The following PKP4 variants were observed in gnomAD, a reference collection of about 807,000 sequenced individuals.
The protein encoded by PKP4 is plakophilin-4.
Under a neutral mutation model 145.1 loss-of-function variants are expected in PKP4, and 90 were observed. The observed-to-expected ratio is 0.62, with a 90% confidence interval of 0.52 to 0.74. The LOEUF (loss-of-function observed/expected upper bound fraction) is 0.74, where lower values mean the gene tolerates loss of function less well. Among genes scored for constraint, PKP4 ranks in the 30% least tolerant of loss-of-function variants. The pLI, the probability that PKP4 is intolerant of heterozygous loss-of-function variation, is 0.00. For synonymous variants in PKP4, 563 were observed against 577.2 expected (o/e 0.98, Z 0.35); for missense variants, 1,340 against 1,482.7 (o/e 0.90, Z 1.58).
intron 16 of PKP4, among the ~76,000 whole-genome samples, chr2:158,668,761 G>A (rs928403913): frequency 3.3e-5 from 5 of 152,152 alleles, no homozygotes; most frequent in East Asian, 1.9e-4. Flanking sequence ...TCCCTCTGAC[G>A]TGCTGTACAT....
rs142391035 is a variant in PKP4 at position 158,471,922 on chromosome 2, G to A, written c.-6+14704G>A. The stretch of plus-strand genomic sequence containing the variant: ...CCAAAATTTAAATATAGCTTATCAA[G>A]TGGTTTCTGAAAGGTATAGAGTAAA... On this transcript the variant is annotated intron_variant, in intron 1 of 21. Coordinates refer to ENST00000389759, the MANE Select transcript of PKP4 (RefSeq NM_003628.6). 6.9e-4 allele frequency among the ~76,000 whole-genome samples: 105 copies of A among 152,256 alleles called. No individual in the cohort carries two copies. The East Asian group carries it at 0.019, about 28-fold the overall frequency.
At chr2:158,488,772 G>A (rs186780633) in intron 1 of PKP4, among the ~76,000 whole-genome samples, 2 of 152,266 alleles carry the variant, frequency 1.3e-5, no homozygotes, top group Non-Finnish European at 2.9e-5. Flanking sequence ...CAATATCTCA[G>A]TGTTACCAAG....
At chr2:158,506,140 G>T (rs2040954914) in intron 1 of PKP4, among the ~76,000 whole-genome samples, 1 of 152,140 alleles carries the variant, frequency 6.6e-6, no homozygotes, top group South Asian at 2.1e-4. Context: ...CTTGAACATG[G>T]CAATTGAAAG....
chr2:158,475,767 G>A (rs868793996), intron 1 of PKP4, among the ~76,000 whole-genome samples: 5 of 152,144 alleles, frequency 3.3e-5, no homozygotes, highest in South Asian at 2.1e-4. Context: ...CTGACTCAGT[G>A]CACCCCTTAT....
intron 8 of PKP4, among the ~76,000 whole-genome samples, chr2:158,633,535 T>C (rs763785148): frequency 6.6e-6 from 1 of 152,236 alleles, no homozygotes. Context: ...TTAAAACTTA[T>C]GAATTACTTG....
intron 4 of PKP4, among the ~76,000 whole-genome samples, chr2:158,618,163 G>A (rs193112601): frequency 1.9e-3 from 292 of 152,236 alleles, no homozygotes; most frequent in Admixed American, 4.2e-3. Flanking sequence ...AGCCTGTAGA[G>A]ACTCCGTCTC....
intron 13 of PKP4, 54 bp from the exon 14 acceptor site, chr2:158,662,843 G>A: frequency 6.9e-7 from 1 of 1,441,218 alleles, no homozygotes; most frequent in Non-Finnish European, 9.5e-7. Context: ...GTACAGAAGT[G>A]TTTTGCTCTA....
intron 1 of PKP4, among the ~76,000 whole-genome samples, chr2:158,475,685 C>A (rs1692354275): frequency 1.3e-5 from 2 of 152,170 alleles, no homozygotes; most frequent in African/African-American, 4.8e-5. Flanking sequence ...GTTGGGATAT[C>A]TTTGAGGTGT....
chr2:158,653,530 TC>T (rs2055605131), intron 11 of PKP4, among the ~76,000 whole-genome samples: 1 of 152,236 alleles, frequency 6.6e-6, no homozygotes, highest in Non-Finnish European at 1.5e-5. Context: ...ATGTACTTGT[TC>T]CTGTGACAGG....
At chr2:158,580,208 C>G (rs2048217955) in intron 3 of PKP4, among the ~76,000 whole-genome samples, 1 of 152,084 alleles carries the variant, frequency 6.6e-6, no homozygotes, top group Non-Finnish European at 1.5e-5. Flanking sequence ...TTGGCTGGTT[C>G]CATATGTTTT....
intron 4 of PKP4, among the ~76,000 whole-genome samples, chr2:158,619,628 A>G (rs2052001543): frequency 6.6e-6 from 1 of 152,212 alleles, no homozygotes; most frequent in African/African-American, 2.4e-5. Context: ...ACAGTAAGGT[A>G]AAGCCACAAT....
intron 19 of PKP4, among the ~76,000 whole-genome samples, chr2:158,675,569 C>G (rs2057936430): frequency 6.6e-6 from 1 of 152,168 alleles, no homozygotes; most frequent in Admixed American, 6.5e-5. Flanking sequence ...AGGGAATACT[C>G]CACTTCTGCT....
At chr2:158,661,179 C>T (rs572641055) in intron 12 of PKP4, 154 bp from the exon 13 acceptor site, 1 of 569,190 alleles carries the variant, frequency 1.8e-6, no homozygotes, top group South Asian at 2.0e-5. Context: ...TCATTGTGAG[C>T]TTCAGGATGT....
intron 3 of PKP4, among the ~76,000 whole-genome samples, chr2:158,586,409 G>C (rs2048808002): frequency 6.6e-6 from 1 of 152,062 alleles, no homozygotes; most frequent in Non-Finnish European, 1.5e-5. Flanking sequence ...TTATTGGTGG[G>C]TTAGTTGTCT....
chr2:158,491,554 A>G (rs1402504628), intron 1 of PKP4, among the ~76,000 whole-genome samples: 1 of 151,812 alleles, frequency 6.6e-6, no homozygotes, highest in African/African-American at 2.4e-5. Flanking sequence ...TGGGGGTTCT[A>G]ATCTTATGTT....
intron 1 of PKP4, among the ~76,000 whole-genome samples, chr2:158,482,886 C>T (rs543016564): frequency 3.5e-4 from 53 of 151,574 alleles, no homozygotes; most frequent in African/African-American, 1.3e-3. Flanking sequence ...CAGGTCATTG[C>T]ACAGAATGGA....
chr2:158,645,531 A>G (rs974370884), intron 11 of PKP4, among the ~76,000 whole-genome samples: 5 of 152,144 alleles, frequency 3.3e-5, no homozygotes, highest in Non-Finnish European at 5.9e-5. Context: ...TTGTCTTCCC[A>G]TAGTAACACC....
chr2:158,598,384 A>G (rs1026953918), intron 3 of PKP4, among the ~76,000 whole-genome samples: 4 of 152,156 alleles, frequency 2.6e-5, no homozygotes, highest in Admixed American at 2.0e-4. Flanking sequence ...GCGTTTACCT[A>G]CTGGTATCCA....
At chr2:158,491,864 T>C (rs1407457087) in intron 1 of PKP4, among the ~76,000 whole-genome samples, 2 of 151,672 alleles carry the variant, frequency 1.3e-5, no homozygotes, top group Non-Finnish European at 2.9e-5. Flanking sequence ...GAAGCAAGTA[T>C]GGCTCACTGC....
Sources: gnomAD v4.1 joint callset for allele counts (sites outside exome capture counted in the v4.1 genomes callset) on GRCh38, gnomAD v4.1.1 for gene constraint, MANE v1.5 for transcripts, NCBI Gene and HGNC (gene_info 2026-07-23, HGNC 2026-07-21) for gene names.